DGLUCY: variants seen among roughly 807,000 people sequenced by gnomAD.
DGLUCY encodes the protein D-glutamate cyclase, also known as D-glutamate cyclase, mitochondrial.
DGLUCY carries 58 observed loss-of-function variants against 58.5 expected under a neutral mutation model. The ratio of observed to expected loss-of-function variants is 0.99; its 90% confidence interval spans 0.80 to 1.23. DGLUCY has a LOEUF of 1.23. Among genes scored for constraint, DGLUCY ranks in the 50% most tolerant of loss-of-function variants. The pLI is 0.00. For synonymous variants in DGLUCY, 325 were observed against 314.1 expected (o/e 1.03, Z -0.37); for missense variants, 779 against 784.7 (o/e 0.99, Z 0.09).
chr14:91,141,660 T>TCCTGCCTCAGCCTCA (rs1410655438), intron 1 of DGLUCY, among the ~76,000 whole-genome samples: 2 of 151,346 alleles, frequency 1.3e-5, no homozygotes, highest in Admixed American at 1.3e-4. Flanking sequence ...CAAGTGATTA[T>TCCTGCCTCAGCCTCA]CCTGCCTCAG....
chr14:91,092,627 G>C (rs2140068332), intron 1 of DGLUCY, among the ~76,000 whole-genome samples: 1 of 152,316 alleles, frequency 6.6e-6, no homozygotes, highest in East Asian at 1.9e-4. Context: ...GAAAATGCTT[G>C]CTGCAGTTGT....
chr14:91,074,309 AAAAAT>A lies in DGLUCY; in HGVS notation c.-82+13607_-82+13611del, dbSNP rs1271583370. 2.1e-3 allele frequency among the ~76,000 whole-genome samples: 298 copies of A among 141,524 alleles called. 1 individual carries two copies. The highest frequency in any genetic ancestry group is 6.6e-3 in the African/African-American group (250 of 37,932). The allele number at this position is 141,524 out of a possible 152,430, so 92.8% of individuals were successfully genotyped here. A position where few individuals can be genotyped will look rare whatever the true frequency, so the allele number is the denominator to read the frequency against. ...TACCCTGTCTCAAAAAAAAAAAAAAAAAAATATATATATATATATATAAACCGAGT... is the reference window on the plus strand; with the variant it reads ...TACCCTGTCTCAAAAAAAAAAAAAAAATATATATATATATATAAACCGAGT... On this transcript the variant is annotated intron_variant, in intron 1 of 4. Coordinates refer to the DGLUCY transcript ENST00000521334.
chr14:91,147,017 C>A lies in DGLUCY; in HGVS notation c.-81-10622C>A, dbSNP rs753742933. On this transcript the variant is annotated intron_variant, in intron 1 of 13. Transcript: ENST00000256324. ...TCCCCTGTAGAATGGTCCCCAGAGGCTTCTCACTGTCTTGCTGTCATTGTC... is the reference window on the plus strand; with the variant it reads ...TCCCCTGTAGAATGGTCCCCAGAGGATTCTCACTGTCTTGCTGTCATTGTC... Among the ~76,000 whole-genome samples, 4 of 152,194 alleles carry A rather than the reference C, an allele frequency of 2.6e-5. No homozygotes were observed. The East Asian group carries it at 7.7e-4, about 29-fold the overall frequency.
chr14:91,105,581 A>G (rs997450313), upstream of DGLUCY, among the ~76,000 whole-genome samples: 1 of 152,216 alleles, frequency 6.6e-6, no homozygotes, highest in African/African-American at 2.4e-5. Flanking sequence ...GAATATGTGG[A>G]AAAGTCAGGC....
At chr14:91,181,708 C>G (rs2049181663) in intron 8 of DGLUCY, among the ~76,000 whole-genome samples, 2 of 143,362 alleles carry the variant, frequency 1.4e-5, no homozygotes, top group South Asian at 4.3e-4. Flanking sequence ...GAGTCTTACT[C>G]TATTGCCCAG....
At chr14:91,210,269 A>C (rs1480225961) in intron 12 of DGLUCY, among the ~76,000 whole-genome samples, 1 of 152,238 alleles carries the variant, frequency 6.6e-6, no homozygotes, top group Non-Finnish European at 1.5e-5. Flanking sequence ...AACTGCAAGG[A>C]AAAATAGACA....
intron 12 of DGLUCY, among the ~76,000 whole-genome samples, chr14:91,208,533 G>A (rs949437603): frequency 6.6e-5 from 10 of 152,238 alleles, no homozygotes; most frequent in African/African-American, 2.4e-4. Context: ...CAGATCACTT[G>A]AGCCTAGGAA....
chr14:91,122,983 G>A (rs933833542), intron 1 of DGLUCY, among the ~76,000 whole-genome samples: 3 of 152,158 alleles, frequency 2.0e-5, no homozygotes, highest in Non-Finnish European at 4.4e-5. Flanking sequence ...CTCTGGGTTT[G>A]TGGGCCATAA....
Position 91,149,767 on chromosome 14 carries a change from G to A in DGLUCY, c.-81-7872G>A, listed in dbSNP as rs564681347. Among the ~76,000 whole-genome samples, 13 of 152,322 alleles carry A rather than the reference G, an allele frequency of 8.5e-5. 1 individual carries two copies. The South Asian group carries it at 1.0e-3, about 12-fold the overall frequency. ...TTCTTGCCCTTAGCAGTCATACCTT[G>A]GACTTTTGCCACTTGGTTGGGTTGC... On this transcript the variant is annotated intron_variant, in intron 1 of 13. Coordinates refer to ENST00000256324, the MANE Select transcript of DGLUCY (RefSeq NM_001102368.3).
At chr14:91,126,997 A>G (rs1385759227) in intron 1 of DGLUCY, among the ~76,000 whole-genome samples, 2 of 150,534 alleles carry the variant, frequency 1.3e-5, no homozygotes, top group Non-Finnish European at 3.0e-5. Context: ...CAGGCTGCCC[A>G]CATCCAAGCA....
chr14:91,098,501 A>G (rs1166637636), intron 1 of DGLUCY, among the ~76,000 whole-genome samples: 1 of 152,116 alleles, frequency 6.6e-6, no homozygotes, highest in African/African-American at 2.4e-5. Flanking sequence ...TTGAGTGTGT[A>G]TTACCTTTGC....
chr14:91,136,910 G>A (rs777124216), intron 1 of DGLUCY, among the ~76,000 whole-genome samples: 50 of 151,962 alleles, frequency 3.3e-4, no homozygotes, highest in Non-Finnish European at 2.2e-4. Context: ...TGGAGGTTGC[G>A]GTGAGCCGAT....
chr14:91,099,665 C>T (rs1020155920), intron 1 of DGLUCY, among the ~76,000 whole-genome samples: 67 of 152,198 alleles, frequency 4.4e-4, no homozygotes, highest in African/African-American at 1.5e-3. Context: ...GTATCCCCAC[C>T]AACCCAGGGG....
chr14:91,076,112 CAA>C (rs34599316), intron 1 of DGLUCY, among the ~76,000 whole-genome samples: 20 of 89,304 alleles, frequency 2.2e-4, no homozygotes, highest in Non-Finnish European at 2.2e-4. Flanking sequence ...GACTCTGTCT[CAA>C]AAAAAAAAAA....
intron 6 of DGLUCY, 79 bp downstream of exon 6, chr14:91,173,518 G>A: frequency 6.8e-7 from 1 of 1,466,870 alleles, no homozygotes; most frequent in South Asian, 1.4e-5. Context: ...TCCTGCCCAT[G>A]ATCCCCCTGT....
At chr14:91,132,851 T>G (rs2046104812) in intron 1 of DGLUCY, among the ~76,000 whole-genome samples, 1 of 152,102 alleles carries the variant, frequency 6.6e-6, no homozygotes, top group African/African-American at 2.4e-5. Flanking sequence ...CAACTACCAT[T>G]TTACTTTCCA....
intron 1 of DGLUCY, among the ~76,000 whole-genome samples, chr14:91,152,623 A>G (rs1228775950): frequency 1.3e-5 from 2 of 152,168 alleles, no homozygotes; most frequent in Non-Finnish European, 1.5e-5. Context: ...AGTTGTATTT[A>G]GGCTACCACC....
At chr14:91,102,805 C>T (rs1228869684) in intron 1 of DGLUCY, among the ~76,000 whole-genome samples, 2 of 139,086 alleles carry the variant, frequency 1.4e-5, no homozygotes. Context: ...GAGTCTCGCT[C>T]TATCACCCAG....
At chr14:91,071,925 T>A (rs2043927514) in intron 1 of DGLUCY, among the ~76,000 whole-genome samples, 1 of 151,860 alleles carries the variant, frequency 6.6e-6, no homozygotes, top group South Asian at 2.1e-4. Context: ...TGAACATAAT[T>A]ATACACCTAA....
Sources: allele counts gnomAD v4.1 joint callset (sites outside exome capture counted in the v4.1 genomes callset), GRCh38; gene constraint gnomAD v4.1.1; transcripts MANE v1.5; gene names NCBI Gene and HGNC (gene_info 2026-07-23, HGNC 2026-07-21).